The following PHF21B variants were observed in gnomAD, a reference collection of about 807,000 sequenced individuals.
PHF21B encodes PHD finger protein 4.
PHF21B carries 22 observed loss-of-function variants against 62.2 expected under a neutral mutation model. The observed-to-expected ratio is 0.35, with a 90% CI of 0.25 to 0.51. The LOEUF is 0.51. Among genes scored for constraint, PHF21B ranks in the 20% least tolerant of loss-of-function variants. The pLI is 0.97. For missense variants in PHF21B, 701 were observed against 707.9 expected (o/e 0.99, Z 0.11); for synonymous variants, 341 against 314.7 (o/e 1.08, Z -0.88).
intron 2 of PHF21B, among the ~76,000 whole-genome samples, chr22:44,952,297 C>T (rs554444504): frequency 2.2e-4 from 34 of 152,142 alleles, no homozygotes; most frequent in South Asian, 6.2e-4. Flanking sequence ...GAGCCGAGAT[C>T]GCACCAGTGT....
chr22:44,984,220 A>G, intron 2 of PHF21B, among the ~76,000 whole-genome samples: 1 of 148,116 alleles, frequency 6.8e-6, no homozygotes, highest in Admixed American at 6.7e-5. Context: ...CATCACCACC[A>G]CCATCACCAT....
intron 2 of PHF21B, among the ~76,000 whole-genome samples, chr22:44,962,155 T>C (rs2072437063): frequency 6.6e-6 from 1 of 152,234 alleles, no homozygotes; most frequent in African/African-American, 2.4e-5. Context: ...GGTCGAATGA[T>C]AGCTCTGTTT....
At chr22:44,924,727 C>G (rs1444661655) in intron 2 of PHF21B, among the ~76,000 whole-genome samples, 1 of 152,206 alleles carries the variant, frequency 6.6e-6, no homozygotes, top group East Asian at 1.9e-4. Context: ...CTTAAGCCAG[C>G]CAGTCCATGG....
chr22:44,918,146 C>T (rs751755532), intron 3 of PHF21B, among the ~76,000 whole-genome samples: 12 of 152,374 alleles, frequency 7.9e-5, no homozygotes, highest in Non-Finnish European at 1.6e-4. Context: ...TCCTGCCGGC[C>T]CTCAGCTGGA....
rs375432298 is a variant in PHF21B, at chr22:44,951,105, C to T, written c.121-30615G>A. 1.1e-4 allele frequency among the ~76,000 whole-genome samples: 16 copies of T among 152,292 alleles called. No individual in the cohort carries two copies. The East Asian group carries it at 1.3e-3, about 13-fold the overall frequency. The stretch of plus-strand genomic sequence containing the variant: ...CTGCCACCAGATGCAGCTTAAGCAC[C>T]CGCCACTCACAGATATGGTTTTGAT... On this transcript the variant is annotated intron_variant, in intron 2 of 12. Coordinates refer to ENST00000313237, the MANE Select transcript of PHF21B (RefSeq NM_138415.5).
intron 4 of PHF21B, among the ~76,000 whole-genome samples, chr22:44,915,864 G>A (rs1158118738): frequency 6.6e-6 from 1 of 152,146 alleles, no homozygotes; most frequent in Admixed American, 6.5e-5. Flanking sequence ...TTGGGCAGTG[G>A]GGTAAAAACA....
chr22:44,964,891 T>C (rs1319773185), intron 2 of PHF21B, among the ~76,000 whole-genome samples: 1 of 152,242 alleles, frequency 6.6e-6, no homozygotes, highest in African/African-American at 2.4e-5. Context: ...CTGCTCTTGC[T>C]GCCCTCTGCA....
intron 5 of PHF21B, chr22:44,902,112 C>T: frequency 4.9e-6 from 1 of 206,092 alleles, no homozygotes. Flanking sequence ...ACCTCTGGTC[C>T]TCAGTTGAGG....
intron 5 of PHF21B, among the ~76,000 whole-genome samples, chr22:44,908,994 C>T (rs938383530): frequency 1.3e-5 from 2 of 152,186 alleles, no homozygotes. Context: ...GACCAGGTTT[C>T]ACCCTATTGA....
chr22:44,986,311 C>T (rs983751965), intron 2 of PHF21B, among the ~76,000 whole-genome samples: 11 of 151,508 alleles, frequency 7.3e-5, no homozygotes, highest in African/African-American at 2.7e-4. Context: ...ACAATGATCA[C>T]CATTATCACG....
At chr22:44,958,368 T>A (rs1338806457) in intron 2 of PHF21B, among the ~76,000 whole-genome samples, 1 of 152,236 alleles carries the variant, frequency 6.6e-6, no homozygotes, top group Non-Finnish European at 1.5e-5. Context: ...TTCCTGTTAG[T>A]TGTGCTGAGA....
chr22:44,952,706 G>C (rs1217224612), intron 2 of PHF21B, among the ~76,000 whole-genome samples: 1 of 152,228 alleles, frequency 6.6e-6, no homozygotes, highest in Non-Finnish European at 1.5e-5. Flanking sequence ...AGTTGAAAAA[G>C]AGAAGAGTAT....
At chr22:44,919,938 G>A (rs1413464626) in intron 3 of PHF21B, among the ~76,000 whole-genome samples, 1 of 152,216 alleles carries the variant, frequency 6.6e-6, no homozygotes, top group Non-Finnish European at 1.5e-5. Flanking sequence ...GGGGGACCCT[G>A]CACTAGAAGC....
At chr22:44,933,263 C>A (rs1407855553) in intron 2 of PHF21B, among the ~76,000 whole-genome samples, 1 of 152,194 alleles carries the variant, frequency 6.6e-6, no homozygotes, top group Non-Finnish European at 1.5e-5. Flanking sequence ...AGGCATGTGC[C>A]ACCACGCCTG....
intron 2 of PHF21B, among the ~76,000 whole-genome samples, 153 bp from the exon 3 acceptor site, chr22:44,920,643 TA>T (rs1488579856): frequency 3.9e-5 from 6 of 152,242 alleles, no homozygotes; most frequent in African/African-American, 1.4e-4. Context: ...ATCACAATAG[TA>T]ATCGATATTC....
intron 5 of PHF21B, among the ~76,000 whole-genome samples, chr22:44,902,743 C>T (rs2071182542): frequency 6.6e-6 from 1 of 151,568 alleles, no homozygotes; most frequent in African/African-American, 2.4e-5. Context: ...AAAATCACAG[C>T]AGGATATCAA....
intron 2 of PHF21B, among the ~76,000 whole-genome samples, chr22:44,937,096 C>T (rs1477623444): frequency 6.6e-6 from 1 of 152,088 alleles, no homozygotes; most frequent in African/African-American, 2.4e-5. Context: ...GAACTCCTGA[C>T]CTCAAGTGAT....
At chr22:44,978,315 G>A (rs189375675) in intron 2 of PHF21B, among the ~76,000 whole-genome samples, 7 of 152,206 alleles carry the variant, frequency 4.6e-5, no homozygotes, top group Admixed American at 2.6e-4. Context: ...GTTGGTATTC[G>A]TCTGGAAGAA....
chr22:45,007,186 G>T (rs907450085), intron 2 of PHF21B, among the ~76,000 whole-genome samples: 5 of 150,744 alleles, frequency 3.3e-5, no homozygotes, highest in Non-Finnish European at 7.4e-5. Context: ...GACCAGGCGC[G>T]GGCCGCGGCA....
Sources: allele counts gnomAD v4.1 joint callset (sites outside exome capture counted in the v4.1 genomes callset), GRCh38; gene constraint gnomAD v4.1.1; transcripts MANE v1.5; gene names NCBI Gene and HGNC (gene_info 2026-07-23, HGNC 2026-07-21).